The following SKA1 variants were observed in gnomAD, a reference collection of about 807,000 sequenced individuals.
SKA1 encodes SKA complex subunit 1.
Under a neutral mutation model 31.8 loss-of-function variants are expected in SKA1, and 20 were observed. The ratio of observed to expected loss-of-function variants is 0.63; its 90% CI spans 0.44 to 0.91. The LOEUF (loss-of-function observed/expected upper bound fraction) is 0.91, where lower values mean the gene tolerates loss of function less well. Among genes scored for constraint, SKA1 ranks in the 40% least tolerant of loss-of-function variants. The pLI, the probability that SKA1 is intolerant of heterozygous loss-of-function variation, is 0.00. For synonymous variants in SKA1, 88 were observed against 100.5 expected (o/e 0.88, Z 0.74); for missense variants, 253 against 298.2 (o/e 0.85, Z 1.12).
chr18:50,375,961 AT>A, intron 2 of SKA1, 43 bp downstream of exon 2: 1 of 1,246,090 alleles, frequency 8.0e-7, no homozygotes, highest in Admixed American at 1.9e-5. Flanking sequence ...TACAAAATGC[AT>A]TTTGATTATT....
intron 1 of SKA1, 143 bp from the exon 2 acceptor site, chr18:50,375,677 T>C (rs2041208630): frequency 5.0e-6 from 3 of 596,112 alleles, no homozygotes; most frequent in African/African-American, 1.9e-5. Context: ...GTTGTAGAAA[T>C]GAAAGAAATT....
Position 50,391,136 on chromosome 18 carries a change from C to A in SKA1, c.462C>A (p.Ser154=). The A allele has an allele frequency of 2.0e-6, 3 of 1,519,792 alleles. No homozygotes were observed. The highest frequency in any genetic ancestry group is 1.3e-5 in the South Asian group (1 of 77,968). The allele number at this position is 1,519,792 out of a possible 1,614,324, so 94.1% of individuals were successfully genotyped here. A position where few individuals can be genotyped will look rare whatever the true frequency, so the allele number is the denominator to read the frequency against. The change falls in exon 6 of 7, where the codon TCC becomes TCA. Residue 154 remains serine (S), a synonymous_variant. Transcript: ENST00000285116. The part of the protein sequence containing the change: ...EFNGVPSYMK[S]RLTYNQINDV... ...TACTTTTTTACAGGTACATGAAATC[C>A]CGCTTAACCTATAATCAAATTAATG...
rs770237646 is a variant in SKA1 at position 50,392,184 on chromosome 18, A to G, written c.705A>G (p.Leu235=). Residue 235 remains leucine, a synonymous_variant, in exon 7 of 7, where the codon TTA becomes TTG. Coordinates refer to ENST00000285116, the MANE Select transcript of SKA1 (RefSeq NM_145060.4). ...AGTTTCACGTGTTACTGAATATTTT[A>G]CGACACTGCCGGAGGCTATCAGAGG... ...DKKFHVLLNI[L]RHCRRLSEVR... 6.2e-7 allele frequency: 1 copy of G among 1,610,786 alleles called. No homozygotes were observed. Among genetic ancestry groups the G allele is most frequent in the Non-Finnish European group, 8.5e-7 (1 of 1,179,464 alleles).
chr18:50,388,682 G>C (rs2041330909), intron 5 of SKA1, among the ~76,000 whole-genome samples: 1 of 152,142 alleles, frequency 6.6e-6, no homozygotes, highest in South Asian at 2.1e-4. Context: ...TAAGGTTCTG[G>C]TCAAGTAGTT....
rs143996428 is a variant in SKA1 at position 50,382,172 on chromosome 18, A to T, written c.257A>T (p.His86Leu). Residue 86 changes from histidine (H) to leucine (L), a missense_variant, in exon 4 of 7, where the codon CAT becomes CTT. His to Leu is a moderately conservative substitution (Grantham distance 99). Coordinates refer to ENST00000285116, the MANE Select transcript of SKA1 (RefSeq NM_145060.4). ...SLEEDYKDIE[H>L]LKENVPSHLP... ...GAAGAAGATTACAAAGACATAGAACATCTTAAAGAAAACGTTCCTTCCCAT... is the reference window on the plus strand; with the variant it reads ...GAAGAAGATTACAAAGACATAGAACTTCTTAAAGAAAACGTTCCTTCCCAT... The T allele has an allele frequency of 5.2e-5, 80 of 1,545,748 alleles. No individual in the cohort carries two copies. The African/African-American group carries it at 9.5e-4, about 18-fold the overall frequency.
chr18:50,382,006 T>G, intron 3 of SKA1, 123 bp from the exon 4 acceptor site: 17 of 629,984 alleles, frequency 2.7e-5, no homozygotes, highest in Non-Finnish European at 4.3e-5. Context: ...ATTACAGGCA[T>G]GAGCCACCGC....
intron 5 of SKA1, among the ~76,000 whole-genome samples, chr18:50,386,602 T>G (rs986916053): frequency 5.3e-5 from 8 of 152,254 alleles, no homozygotes; most frequent in African/African-American, 1.9e-4. Flanking sequence ...TAGGATTTAT[T>G]CTGTGTTGTA....
intron 4 of SKA1, among the ~76,000 whole-genome samples, chr18:50,384,444 G>A (rs2041285853): frequency 6.6e-6 from 1 of 152,006 alleles, no homozygotes; most frequent in African/African-American, 2.4e-5. Flanking sequence ...AGCTATATTA[G>A]TCGGCTTCTC....
intron 4 of SKA1, 136 bp from the exon 5 acceptor site, chr18:50,385,080 G>T: frequency 4.5e-6 from 3 of 661,150 alleles, no homozygotes; most frequent in South Asian, 2.9e-5. Flanking sequence ...ATAGACATAG[G>T]GATAGAAAAA....
intron 1 of SKA1, among the ~76,000 whole-genome samples, chr18:50,375,508 A>G (rs2041207078): frequency 1.3e-5 from 2 of 152,224 alleles, no homozygotes. Flanking sequence ...GCGTGTTTAA[A>G]GAAAATACCA....
Position 50,385,317 on chromosome 18 carries a change from C to T in SKA1, c.413C>T (p.Pro138Leu). 1.2e-6 allele frequency: 2 copies of T among 1,613,216 alleles called. No individual in the cohort carries two copies. Among genetic ancestry groups the T allele is most frequent in the South Asian group, 2.2e-5 (2 of 91,002 alleles). ...GAGCAAAGAAGTATTAAGGAAATGC[C>T]ATTTATAACTTGTGATGAGTTCAAT... is the stretch of plus-strand genomic sequence containing the variant. ...PKEQRSIKEM[P>L]FITCDEFNGV... The change falls in exon 5 of 7, where the codon CCA becomes CTA. Residue 138 changes from proline to leucine, a missense_variant. Coordinates refer to ENST00000285116, the MANE Select transcript of SKA1 (RefSeq NM_145060.4).
At chr18:50,383,643 G>A (rs1445311707) in intron 4 of SKA1, among the ~76,000 whole-genome samples, 1 of 152,186 alleles carries the variant, frequency 6.6e-6, no homozygotes, top group Non-Finnish European at 1.5e-5. Flanking sequence ...TGGACATCCA[G>A]TAAGAATTTG....
intron 4 of SKA1, among the ~76,000 whole-genome samples, chr18:50,384,294 G>A (rs1341419914): frequency 6.6e-6 from 1 of 152,134 alleles, no homozygotes; most frequent in East Asian, 1.9e-4. Context: ...GTTATTATGT[G>A]TAGTTATAGC....
intron 3 of SKA1, among the ~76,000 whole-genome samples, chr18:50,381,273 T>A (rs1199701450): frequency 6.6e-6 from 1 of 152,192 alleles, no homozygotes. Flanking sequence ...TAGCCTCAAG[T>A]TCTAGTAAAA....
At position 50,393,202 on chromosome 18, in the gene SKA1, A is replaced by G. The variant is rs1281623227; in HGVS notation, c.*955A>G. 1 of 152,342 alleles carries G rather than the reference A, an allele frequency of 6.6e-6. No individual in the cohort carries two copies. The highest frequency in any genetic ancestry group is 1.5e-5 in the Non-Finnish European group (1 of 68,148). The allele number at this position is 152,342 out of a possible 1,614,324, so 9.4% of individuals were successfully genotyped here. A position where few individuals can be genotyped will look rare whatever the true frequency, so the allele number is the denominator to read the frequency against. On this transcript the variant is annotated 3_prime_UTR_variant, in exon 7 of 7. Transcript: ENST00000285116. The stretch of plus-strand genomic sequence containing the variant: ...TGGGTACAGATCGGCATGCGCCTGT[A>G]GTCCCAGCTACTCAGGAGAATTGCT...
intron 2 of SKA1, among the ~76,000 whole-genome samples, chr18:50,379,096 T>G (rs1338425178): frequency 2.0e-5 from 3 of 152,204 alleles, no homozygotes; most frequent in Non-Finnish European, 4.4e-5. Flanking sequence ...TTTACTTATG[T>G]GTATGTCATT....
rs947156753 is a variant in SKA1 at position 50,385,215 on chromosome 18, G to C, written c.312-1G>C. Reference sequence around the variant, plus strand: ...TATGTATGTACATCTGTATTCTGTAGTGTTAAGGGATCAGATCTTGATCCT... The same window carrying C: ...TATGTATGTACATCTGTATTCTGTACTGTTAAGGGATCAGATCTTGATCCT... On this transcript the variant is annotated splice_acceptor_variant, in intron 4 of 6. Transcript: ENST00000285116. LOFTEE classifies it high-confidence loss of function. 4 of 1,611,206 alleles carry C rather than the reference G, an allele frequency of 2.5e-6. No individual in the cohort carries two copies. Among genetic ancestry groups the C allele is most frequent in the Non-Finnish European group, 3.4e-6 (4 of 1,179,010 alleles).
Position 50,380,136 on chromosome 18 carries a change from T to A in SKA1, c.99T>A (p.Pro33=). ...TTTTGTTTATAACAGGCCAGGAACC[T>A]ACCTTGAAAACTGTATTAAATAAAA... The part of the protein sequence containing the change: ...TLSLRNCGQE[P]TLKTVLNKIG... Residue 33 remains proline, a synonymous_variant, in exon 3 of 7, where the codon CCT becomes CCA. Transcript: ENST00000285116. 1 of 1,531,814 alleles carries A rather than the reference T, an allele frequency of 6.5e-7. No homozygotes were observed. Among genetic ancestry groups the A allele is most frequent in the Non-Finnish European group, 8.7e-7 (1 of 1,149,154 alleles). 94.9% of individuals were successfully genotyped at this position (1,531,814 alleles called of 1,614,324 possible).
chr18:50,393,154 A>C lies in SKA1; in HGVS notation c.*907A>C, dbSNP rs945820861. 2 of 152,266 alleles carry C rather than the reference A, an allele frequency of 1.3e-5. No individual in the cohort carries two copies. Among genetic ancestry groups the C allele is most frequent in the African/African-American group, 4.8e-5 (2 of 41,452 alleles). 9.4% of individuals were successfully genotyped at this position (152,266 alleles called of 1,614,324 possible). ...TGTCCAGTTTTTGTGTTGAGTGAAC[A>C]ATGCTGCAGACCCTAATAAGATTGG... On this transcript the variant is annotated 3_prime_UTR_variant, in exon 7 of 7. Coordinates refer to ENST00000285116, the MANE Select transcript of SKA1 (RefSeq NM_145060.4).
Sources: allele counts gnomAD v4.1 joint callset (sites outside exome capture counted in the v4.1 genomes callset), GRCh38; gene constraint gnomAD v4.1.1; transcripts MANE v1.5; gene names NCBI Gene and HGNC (gene_info 2026-07-23, HGNC 2026-07-21).